Variants in KDM2B observed in about 807,000 individuals in gnomAD.
KDM2B encodes the protein lysine-specific demethylase 2B.
A neutral mutation model predicts 150.0 loss-of-function variants in KDM2B; 26 were observed. That is an observed-to-expected ratio of 0.17 (90% confidence interval 0.13 to 0.24). The LOEUF (loss-of-function observed/expected upper bound fraction) is 0.24, where lower values mean the gene tolerates loss of function less well. Ranked by LOEUF, KDM2B falls within the 10% of genes least tolerant of loss-of-function variation. The probability of loss-of-function intolerance (pLI) is 1.00; values close to 1 mark genes in which losing one functional copy is unlikely to be tolerated. For missense variants in KDM2B, 1,265 were observed against 1,816.9 expected, an observed-to-expected ratio of 0.70 and a Z score of 5.52; for synonymous variants, 734 against 729.5, an observed-to-expected ratio of 1.01 and a Z score of -0.10.
At position 121,443,757 on chromosome 12, in the gene KDM2B, GAGA is replaced by G; in HGVS notation, c.2485_2487del (p.Ser829del). 1.2e-6 allele frequency: 2 copies of G among 1,610,270 alleles called. No individual in the cohort carries two copies. The highest frequency in any genetic ancestry group is 1.7e-6 in the Non-Finnish European group (2 of 1,178,976). On this transcript the variant is annotated inframe_deletion, in exon 17 of 23. Coordinates refer to ENST00000377071, the MANE Select transcript of KDM2B (RefSeq NM_032590.5). ...CCTAGAGGGGGCCTCGGCGAGAGGT[GAGA>G]GGAGGAACCGGGGGACGTTTGAAGC...
chr12:121,513,551 G>A lies in KDM2B; in HGVS notation c.1048-149C>T, dbSNP rs1566360740. ...GGATGGTCGGGGGAGAAATGGTGGG[G>A]TGCTGGAAGGGAGATGCCGGCAGCA... On this transcript the variant is annotated intron_variant, in intron 9 of 22. Transcript: ENST00000377071. The surrounding 1 kb of genome is among the most constrained non-coding windows in gnomAD (Gnocchi z 5.0). The A allele has an allele frequency of 2.3e-6, 2 of 854,926 alleles. No homozygotes were observed. Among genetic ancestry groups the A allele is most frequent in the South Asian group, 1.7e-5 (1 of 57,942 alleles). The allele number at this position is 854,926 out of a possible 1,614,324, so 53.0% of individuals were successfully genotyped here.
chr12:121,507,319 A>T (rs1254983435), intron 11 of KDM2B, among the ~76,000 whole-genome samples: 1 of 152,052 alleles, frequency 6.6e-6, no homozygotes, highest in Non-Finnish European at 1.5e-5. Context: ...AACCAAGATC[A>T]TGTCACTGCA....
chr12:121,551,794 C>T (rs1448792220), intron 4 of KDM2B, among the ~76,000 whole-genome samples: 2 of 152,066 alleles, frequency 1.3e-5, no homozygotes, highest in Non-Finnish European at 2.9e-5. Context: ...CTCAAGTGAT[C>T]CGCCCGCCTC....
At position 121,508,211 on chromosome 12, in the gene KDM2B, A is replaced by G. The variant is rs527888428; in HGVS notation, c.1647+1356T>C. Among the ~76,000 whole-genome samples, 221 of 152,078 alleles carry G rather than the reference A, an allele frequency of 1.5e-3. 1 individual carries two copies. Among genetic ancestry groups the G allele is most frequent in the Admixed American group, 4.1e-3 (62 of 15,260 alleles). On this transcript the variant is annotated intron_variant, in intron 11 of 22. Transcript: ENST00000377071. ...AAGCAATCCTCTCTCCTCAGCCTCCAGAGTAGCTGGGACTACAGGCACAGG... is the reference window on the plus strand; with the variant it reads ...AAGCAATCCTCTCTCCTCAGCCTCCGGAGTAGCTGGGACTACAGGCACAGG...
intron 4 of KDM2B, among the ~76,000 whole-genome samples, chr12:121,561,754 C>G (rs1890353994): frequency 6.6e-6 from 1 of 152,232 alleles, no homozygotes; most frequent in African/African-American, 2.4e-5. Context: ...CAAGCACTAT[C>G]TGAGCAACTC....
At chr12:121,493,422 G>A (rs1555300280) in intron 12 of KDM2B, among the ~76,000 whole-genome samples, 1 of 152,056 alleles carries the variant, frequency 6.6e-6, no homozygotes. Context: ...GGAAAGTAAG[G>A]CTCAGGACAC....
chr12:121,497,596 G>A (rs539776327), intron 11 of KDM2B, among the ~76,000 whole-genome samples: 49 of 151,698 alleles, frequency 3.2e-4, no homozygotes, highest in African/African-American at 9.9e-4. Context: ...GTGAGCCACC[G>A]CACCTGGCCC....
At chr12:121,437,968 T>TGCAGGCCAGGCGTGGTGGC (rs1341796944) in intron 22 of KDM2B, among the ~76,000 whole-genome samples, 1 of 151,928 alleles carries the variant, frequency 6.6e-6, no homozygotes, top group Non-Finnish European at 1.5e-5. Context: ...TTAACAAGAA[T>TGCAGGCCAGGCGTGGTGGC]GCAGGCCAGG....
downstream of KDM2B, among the ~76,000 whole-genome samples, chr12:121,428,904 G>T (rs1254775181): frequency 6.6e-6 from 1 of 152,176 alleles, no homozygotes; most frequent in Admixed American, 6.6e-5. Context: ...ATTCTGTGTG[G>T]TAAGAGGCAC....
At position 121,468,908 on chromosome 12, in the gene KDM2B, C is replaced by CCT. The variant is rs10628527; in HGVS notation, c.1735-15566_1735-15565dup. On this transcript the variant is annotated intron_variant, in intron 12 of 22. Transcript: ENST00000377071. This position sits in a 1 kb window ranked among gnomAD's most constrained non-coding sequence, Gnocchi z 4.0. ...TGTTCTGAGTTTCCTTCCTTACTCT[C>CCT]CTTTTTTTGAGACAGACTCTCACTC... 82,236 of 151,804 alleles carry CCT rather than the reference C, an allele frequency of 0.54. 22,527 individuals are homozygous for CCT. The highest frequency in any genetic ancestry group is 0.62 in the African/African-American group (25,461 of 41,382). 9.4% of individuals were successfully genotyped at this position (151,804 alleles called of 1,614,324 possible). A position where few individuals can be genotyped will look rare whatever the true frequency, so the allele number is the denominator to read the frequency against.
intron 4 of KDM2B, among the ~76,000 whole-genome samples, chr12:121,560,096 T>C (rs1291153014): frequency 6.6e-6 from 1 of 152,010 alleles, no homozygotes; most frequent in East Asian, 1.9e-4. Context: ...CCTCGACCTG[T>C]TGGGCTCAAG....
chr12:121,548,758 G>C lies in KDM2B; in HGVS notation c.683+119C>G, dbSNP rs897088515. The stretch of plus-strand genomic sequence containing the variant: ...CAGGCACAGTCCTTCAGTTCTGAAC[G>C]GGAGCGGTTGTGACGCTCAAGCCTT... On this transcript the variant is annotated intron_variant, in intron 6 of 22. Coordinates refer to ENST00000377071, the MANE Select transcript of KDM2B (RefSeq NM_032590.5). The C allele has an allele frequency of 4.1e-6, 3 of 739,692 alleles. No individual in the cohort carries two copies. The African/African-American group carries it at 5.2e-5, about 13-fold the overall frequency. 45.8% of individuals were successfully genotyped at this position (739,692 alleles called of 1,614,324 possible). A position where few individuals can be genotyped will look rare whatever the true frequency, so the allele number is the denominator to read the frequency against.
intron 12 of KDM2B, among the ~76,000 whole-genome samples, chr12:121,490,032 G>A (rs1328874345): frequency 3.3e-5 from 5 of 152,184 alleles, no homozygotes; most frequent in Admixed American, 6.5e-5. Context: ...GCAGGGACCC[G>A]CCGGAAGCAC....
chr12:121,429,766 G>A lies in KDM2B; in HGVS notation c.*522C>T. 1.9e-6 allele frequency: 1 copy of A among 515,992 alleles called. No homozygotes were observed. Among genetic ancestry groups the A allele is most frequent in the Non-Finnish European group, 3.4e-6 (1 of 294,732 alleles). 32.0% of individuals were successfully genotyped at this position (515,992 alleles called of 1,614,324 possible). A position where few individuals can be genotyped will look rare whatever the true frequency, so the allele number is the denominator to read the frequency against. On this transcript the variant is annotated 3_prime_UTR_variant, in exon 23 of 23. Coordinates refer to ENST00000377071, the MANE Select transcript of KDM2B (RefSeq NM_032590.5). ...CAATCTCAAAACAATAAAAACACTG[G>A]TATGCATTCAAACCTTGCATAAATA...
intron 4 of KDM2B, among the ~76,000 whole-genome samples, chr12:121,573,286 T>G (rs1245845086): frequency 1.5e-5 from 1 of 66,428 alleles, no homozygotes; most frequent in African/African-American, 7.6e-5. Flanking sequence ...CACTGTTTAC[T>G]TTTTTTTTTT....
At chr12:121,536,611 C>T (rs1460192700) in intron 6 of KDM2B, among the ~76,000 whole-genome samples, 9 of 152,162 alleles carry the variant, frequency 5.9e-5, no homozygotes, top group African/African-American at 9.7e-5. Context: ...CTCTAAGCAC[C>T]ACTTCAAAAT....
At chr12:121,571,649 C>T (rs556087490) in intron 4 of KDM2B, among the ~76,000 whole-genome samples, 15 of 150,336 alleles carry the variant, frequency 1.0e-4, no homozygotes, top group Non-Finnish European at 1.2e-4. Context: ...TGAATATGAT[C>T]TCAATTTTTT....
In KDM2B at chr12:121,549,003, G is replaced by A. The variant is rs1046508511; in HGVS notation, c.577-20C>T. 8.2e-6 allele frequency: 13 copies of A among 1,587,102 alleles called. No individual in the cohort carries two copies. The highest frequency in any genetic ancestry group is 4.0e-5 in the African/African-American group (3 of 74,452). On this transcript the variant is annotated intron_variant, in intron 5 of 22. Coordinates refer to ENST00000377071, the MANE Select transcript of KDM2B (RefSeq NM_032590.5). The surrounding 1 kb of genome is among the most constrained non-coding windows in gnomAD (Gnocchi z 4.4). Reference sequence around the variant, plus strand: ...GTCTACCTGAAAGCCAGACCAGTGTGAGCACTGCATTTCTCCACTGCCGAG... The same window carrying A: ...GTCTACCTGAAAGCCAGACCAGTGTAAGCACTGCATTTCTCCACTGCCGAG...
chr12:121,578,422 C>G (rs1307299173), intron 2 of KDM2B, among the ~76,000 whole-genome samples: 1 of 152,198 alleles, frequency 6.6e-6, no homozygotes, highest in Non-Finnish European at 1.5e-5. Context: ...GCCCTGAACC[C>G]AGTTCCAGCC....
Sources: allele counts gnomAD v4.1 joint callset (sites outside exome capture counted in the v4.1 genomes callset), GRCh38; gene constraint gnomAD v4.1.1; non-coding constraint Gnocchi (gnomAD v3.1); transcripts MANE v1.5; gene names NCBI Gene and HGNC (gene_info 2026-07-23, HGNC 2026-07-21).